The following PDZRN4 variants were observed in gnomAD, a reference collection of about 807,000 sequenced individuals.
PDZRN4 encodes the protein PDZ domain-containing RING finger protein 4.
Under a neutral mutation model 99.0 loss-of-function variants are expected in PDZRN4, and 70 were observed. The observed-to-expected ratio is 0.71, with a 90% CI of 0.58 to 0.86. PDZRN4 has a LOEUF of 0.86. Ranked by LOEUF, PDZRN4 falls within the 40% of genes least tolerant of loss-of-function variation. The probability of loss-of-function intolerance (pLI) is 0.00; values close to 1 mark genes in which losing one functional copy is unlikely to be tolerated. For missense variants in PDZRN4, 1,474 were observed against 1,331.2 expected, an observed-to-expected ratio of 1.11 and a Z score of -1.67; for synonymous variants, 551 against 501.6, an observed-to-expected ratio of 1.10 and a Z score of -1.32.
intron 3 of PDZRN4, among the ~76,000 whole-genome samples, chr12:41,413,441 C>T (rs1367012413): frequency 6.6e-6 from 1 of 152,046 alleles, no homozygotes; most frequent in Non-Finnish European, 1.5e-5. Context: ...GGAATAAGTT[C>T]TAGTGTTCTA....
chr12:41,244,584 A>G (rs1951121252), intron 3 of PDZRN4, among the ~76,000 whole-genome samples: 1 of 151,622 alleles, frequency 6.6e-6, no homozygotes, highest in Middle Eastern at 3.4e-3. Flanking sequence ...CTGTTCCTTC[A>G]GCAGGTCCAG....
At chr12:41,342,350 G>A in intron 3 of PDZRN4, among the ~76,000 whole-genome samples, 1 of 151,814 alleles carries the variant, frequency 6.6e-6, no homozygotes, top group East Asian at 1.9e-4. Flanking sequence ...ATAGGCGTAT[G>A]GGATTACAAC....
intron 3 of PDZRN4, among the ~76,000 whole-genome samples, chr12:41,258,073 T>C (rs987074813): frequency 2.0e-5 from 3 of 152,140 alleles, no homozygotes; most frequent in Non-Finnish European, 4.4e-5. Flanking sequence ...GGGCTGGATT[T>C]AGACACAATG....
At chr12:41,564,492 C>G (rs285550) in intron 8 of PDZRN4, among the ~76,000 whole-genome samples, 33,500 of 152,032 alleles carry the variant, frequency 0.22, 3,811 homozygotes, top group South Asian at 0.32. Context: ...TTTGTCTCCT[C>G]GGTTATTGAT....
intron 2 of PDZRN4, among the ~76,000 whole-genome samples, chr12:41,192,930 G>A (rs1459676014): frequency 1.3e-5 from 2 of 152,156 alleles, no homozygotes; most frequent in Non-Finnish European, 2.9e-5. Context: ...GGAAAAAGGT[G>A]GTTAAGTTTT....
chr12:41,405,671 A>T (rs1457748297), intron 3 of PDZRN4, among the ~76,000 whole-genome samples: 1 of 152,206 alleles, frequency 6.6e-6, no homozygotes, highest in Non-Finnish European at 1.5e-5. Flanking sequence ...CATGCTATTC[A>T]CAAGAGCAAA....
intron 3 of PDZRN4, among the ~76,000 whole-genome samples, chr12:41,424,304 A>T (rs1438596158): frequency 6.6e-6 from 1 of 152,124 alleles, no homozygotes; most frequent in Admixed American, 6.6e-5. Flanking sequence ...CACCATGTAT[A>T]TACTTAGTTT....
At chr12:41,430,572 C>A (rs1952579438) in intron 3 of PDZRN4, among the ~76,000 whole-genome samples, 1 of 151,956 alleles carries the variant, frequency 6.6e-6, no homozygotes, top group Non-Finnish European at 1.5e-5. Flanking sequence ...TGTGTGCATG[C>A]ATCACATTTA....
intron 3 of PDZRN4, among the ~76,000 whole-genome samples, chr12:41,440,566 A>T (rs539461150): frequency 6.6e-6 from 1 of 152,146 alleles, no homozygotes; most frequent in Non-Finnish European, 1.5e-5. Flanking sequence ...TATTTTGTTG[A>T]TATTTTTTGC....
chr12:41,417,667 A>G (rs1343545202), intron 3 of PDZRN4, among the ~76,000 whole-genome samples: 1 of 152,208 alleles, frequency 6.6e-6, no homozygotes, highest in Admixed American at 6.5e-5. Context: ...GAGGCACTTG[A>G]TTCTGCCTCA....
intron 7 of PDZRN4, among the ~76,000 whole-genome samples, chr12:41,562,896 T>C (rs1230849508): frequency 2.6e-5 from 4 of 152,286 alleles, no homozygotes; most frequent in Middle Eastern, 3.4e-3. Flanking sequence ...AAGAGATGAG[T>C]CTGAAGATAT....
At chr12:41,250,512 C>A (rs1485533661) in intron 3 of PDZRN4, among the ~76,000 whole-genome samples, 1 of 152,124 alleles carries the variant, frequency 6.6e-6, no homozygotes, top group Non-Finnish European at 1.5e-5. Flanking sequence ...GCAATGATGC[C>A]AGCCTTTTAG....
At chr12:41,228,310 A>G (rs1951008539) in intron 3 of PDZRN4, among the ~76,000 whole-genome samples, 1 of 152,160 alleles carries the variant, frequency 6.6e-6, no homozygotes, top group Admixed American at 6.6e-5. Flanking sequence ...GAAATTCATG[A>G]GGGTTTCTTT....
At chr12:41,348,036 G>C (rs1951867277) in intron 3 of PDZRN4, among the ~76,000 whole-genome samples, 2 of 152,116 alleles carry the variant, frequency 1.3e-5, no homozygotes, top group African/African-American at 4.8e-5. Flanking sequence ...CACATGAAAT[G>C]TAATGACCAT....
At chr12:41,487,543 A>T (rs2120617955) in intron 3 of PDZRN4, among the ~76,000 whole-genome samples, 1 of 152,346 alleles carries the variant, frequency 6.6e-6, no homozygotes, top group South Asian at 2.1e-4. Context: ...TGTGTATTAA[A>T]AAGTGTTCAA....
chr12:41,317,800 A>G (rs74079524), intron 3 of PDZRN4, among the ~76,000 whole-genome samples: 2,524 of 152,204 alleles, frequency 0.017, 74 homozygotes, highest in African/African-American at 0.057. Context: ...ACCTGCACAC[A>G]CTGGGAGAAT....
chr12:41,237,778 A>T (rs1201864671), intron 3 of PDZRN4, among the ~76,000 whole-genome samples: 2 of 152,118 alleles, frequency 1.3e-5, no homozygotes, highest in African/African-American at 4.8e-5. Flanking sequence ...ACATAGTTGT[A>T]GGTGCGTGGT....
intron 5 of PDZRN4, among the ~76,000 whole-genome samples, chr12:41,511,678 A>G (rs1938306609): frequency 6.6e-6 from 1 of 152,152 alleles, no homozygotes; most frequent in South Asian, 2.1e-4. Flanking sequence ...TACCAGATTC[A>G]AGAGAGAATA....
chr12:41,189,866 C>T (rs1472094583), intron 1 of PDZRN4, among the ~76,000 whole-genome samples: 3 of 152,130 alleles, frequency 2.0e-5, no homozygotes, highest in Admixed American at 6.6e-5. Flanking sequence ...GCCCTGCGAG[C>T]CCCCAGGCAG....
Sources: gnomAD v4.1 joint callset for allele counts (sites outside exome capture counted in the v4.1 genomes callset) on GRCh38, gnomAD v4.1.1 for gene constraint, MANE v1.5 for transcripts, NCBI Gene and HGNC (gene_info 2026-07-23, HGNC 2026-07-21) for gene names.